Variants in KLRG2 observed in about 807,000 individuals in gnomAD.
KLRG2 encodes killer cell lectin like receptor G2.
KLRG2 carries 39 observed loss-of-function variants against 35.4 expected under a neutral mutation model. The ratio of observed to expected loss-of-function variants is 1.10; its 90% CI spans 0.85 to 1.44. The LOEUF is 1.44. Ranked by LOEUF, KLRG2 falls within the 40% of genes most tolerant of loss-of-function variation. KLRG2 has a pLI of 0.00. For synonymous variants in KLRG2, 283 were observed against 265.8 expected, an observed-to-expected ratio of 1.06 and a Z score of -0.63; for missense variants, 632 against 570.9, an observed-to-expected ratio of 1.11 and a Z score of -1.09.
At chr7:139,454,923 AGAG>A (rs1796442528) in intron 3 of KLRG2, among the ~76,000 whole-genome samples, 1 of 151,642 alleles carries the variant, frequency 6.6e-6, no homozygotes, top group African/African-American at 2.4e-5. Context: ...GAGAGGTACT[AGAG>A]GAGACTTTTT....
chr7:139,446,447 T>A, the KLRG2 span, among the ~76,000 whole-genome samples: 1 of 142,328 alleles, frequency 7.0e-6, no homozygotes, highest in African/African-American at 2.6e-5. Context: ...GGGTAGAGAA[T>A]CAAGTGATTC....
At chr7:139,462,708 T>C (rs933446385) in intron 3 of KLRG2, among the ~76,000 whole-genome samples, 11 of 152,200 alleles carry the variant, frequency 7.2e-5, no homozygotes, top group Admixed American at 1.3e-4. Context: ...GTCTAGGTAA[T>C]TCTTGTCATG....
rs889893606 is a variant in KLRG2 at position 139,483,028 on chromosome 7, G to C, written c.615C>G (p.Pro205=). 3 of 1,364,592 alleles carry C rather than the reference G, an allele frequency of 2.2e-6. No individual in the cohort carries two copies. Among genetic ancestry groups the C allele is most frequent in the Non-Finnish European group, 2.8e-6 (3 of 1,067,070 alleles). The allele number at this position is 1,364,592 out of a possible 1,614,324, so 84.5% of individuals were successfully genotyped here. A position where few individuals can be genotyped will look rare whatever the true frequency, so the allele number is the denominator to read the frequency against. The change falls in exon 1 of 5, where the codon CCC becomes CCG. Residue 205 remains proline, a synonymous_variant. Transcript: ENST00000340940. ...CCGGGGAGCCGGCGCTTCCTTCCGC[G>C]GGGCTGGCCCGGCCCTCTGCGTCGC... The part of the protein sequence containing the change: ...SGCDAEGRAS[P]AEGSAGSPGS...
chr7:139,480,439 C>CTTTTTTT (rs892455272), intron 1 of KLRG2, among the ~76,000 whole-genome samples, 192 bp from the exon 2 acceptor site: 4 of 85,224 alleles, frequency 4.7e-5, no homozygotes, highest in East Asian at 4.8e-4. Context: ...GCCAGATATT[C>CTTTTTTT]TTTTTTTTTT....
At chr7:139,438,550 A>C in the KLRG2 span, among the ~76,000 whole-genome samples, 1 of 152,006 alleles carries the variant, frequency 6.6e-6, no homozygotes, top group African/African-American at 2.4e-5. Context: ...ACCACCATAC[A>C]CCGATCGGTA....
intron 3 of KLRG2, among the ~76,000 whole-genome samples, chr7:139,454,842 A>G (rs1796437213): frequency 7.2e-6 from 1 of 139,402 alleles, no homozygotes; most frequent in African/African-American, 2.9e-5. Context: ...AATAATAATA[A>G]TAATAATAAT....
intron 3 of KLRG2, among the ~76,000 whole-genome samples, chr7:139,462,642 T>G (rs1289357571): frequency 6.6e-6 from 1 of 152,128 alleles, no homozygotes; most frequent in Non-Finnish European, 1.5e-5. Flanking sequence ...AATGCAAACT[T>G]GACAATGGTT....
chr7:139,478,763 T>TTAC (rs1325069386), intron 3 of KLRG2, among the ~76,000 whole-genome samples: 1 of 152,230 alleles, frequency 6.6e-6, no homozygotes, highest in East Asian at 1.9e-4. Flanking sequence ...ACTGACTGGA[T>TTAC]TACTATTCAG....
the KLRG2 span, among the ~76,000 whole-genome samples, chr7:139,441,266 T>C: frequency 6.6e-6 from 1 of 152,262 alleles, no homozygotes; most frequent in East Asian, 1.9e-4. Context: ...ATGTGGCACA[T>C]ATACACCATG....
At chr7:139,456,641 T>C (rs12112565) in intron 3 of KLRG2, among the ~76,000 whole-genome samples, 22,704 of 152,176 alleles carry the variant, frequency 0.15, 1,880 homozygotes, top group Middle Eastern at 0.2. Flanking sequence ...TATAAGCCAC[T>C]GCACCCAGCC....
Position 139,459,264 on chromosome 7 carries a change from G to A in KLRG2, c.1006-5050C>T, listed in dbSNP as rs998472534. Among the ~76,000 whole-genome samples, 10 of 152,174 alleles carry A rather than the reference G, an allele frequency of 6.6e-5. No individual in the cohort carries two copies. In the South Asian group the frequency reaches 8.3e-4, roughly 13 times the overall value. On this transcript the variant is annotated intron_variant, in intron 3 of 4. Coordinates refer to ENST00000340940, the MANE Select transcript of KLRG2 (RefSeq NM_198508.4). ...GGTGAACCTGTCTGATGTGAGGCCCGTTTTACTGGCTTCCTGTTGGCATTT... is the reference window on the plus strand; with the variant it reads ...GGTGAACCTGTCTGATGTGAGGCCCATTTTACTGGCTTCCTGTTGGCATTT...
At chr7:139,480,116 G>T in intron 2 of KLRG2, 30 bp downstream of exon 2, 1 of 1,412,580 alleles carries the variant, frequency 7.1e-7, no homozygotes, top group Non-Finnish European at 1.0e-6. Flanking sequence ...GCGGCAGGGA[G>T]AGGGGATGGG....
chr7:139,456,450 C>T (rs1796478468), intron 3 of KLRG2, among the ~76,000 whole-genome samples: 1 of 152,178 alleles, frequency 6.6e-6, no homozygotes, highest in Non-Finnish European at 1.5e-5. Flanking sequence ...ACTGCAACCA[C>T]CGTCTCCCGT....
the KLRG2 span, among the ~76,000 whole-genome samples, chr7:139,444,660 C>T: frequency 6.6e-6 from 1 of 152,182 alleles, no homozygotes; most frequent in African/African-American, 2.4e-5. Flanking sequence ...AGACTTCCAG[C>T]CTCCAGAACT....
chr7:139,455,021 A>AG (rs916306294), intron 3 of KLRG2, among the ~76,000 whole-genome samples: 1 of 126,876 alleles, frequency 7.9e-6, no homozygotes, highest in African/African-American at 4.2e-5. Context: ...TATATATTTA[A>AG]GATTTTTTTT....
intron 4 of KLRG2, 55 bp from the exon 5 acceptor site, chr7:139,453,762 C>T: frequency 6.2e-7 from 1 of 1,607,002 alleles, no homozygotes; most frequent in Non-Finnish European, 8.5e-7. Flanking sequence ...CGGGGCCTTG[C>T]TTCCCAGCCA....
Position 139,483,149 on chromosome 7 carries a change from G to C in KLRG2, c.494C>G (p.Ala165Gly), listed in dbSNP as rs1796997108. 2.7e-6 allele frequency: 4 copies of C among 1,489,770 alleles called. No individual in the cohort carries two copies. The highest frequency in any genetic ancestry group is 3.5e-6 in the Non-Finnish European group (4 of 1,127,272). The allele number at this position is 1,489,770 out of a possible 1,614,324, so 92.3% of individuals were successfully genotyped here. A position where few individuals can be genotyped will look rare whatever the true frequency, so the allele number is the denominator to read the frequency against. ...CAGCAGGAGCTGGTGCGCCGGGTCC[G>C]CGTGGCGGGAGAAGGCAGGGGACTC... ...VPESPAFSRH[A>G]DPAHQLLLRA... Residue 165 changes from alanine to glycine, a missense_variant, in exon 1 of 5, where the codon GCG becomes GGG. Physicochemically the swap from Ala to Gly is moderately conservative, Grantham distance 60. Transcript: ENST00000340940.
At chr7:139,428,349 T>C in the KLRG2 span, among the ~76,000 whole-genome samples, 1 of 152,052 alleles carries the variant, frequency 6.6e-6, no homozygotes, top group African/African-American at 2.4e-5. Context: ...ACTCAAGTAA[T>C]CCTCCTGCCT....
chr7:139,441,193 T>C, the KLRG2 span, among the ~76,000 whole-genome samples: 2 of 152,262 alleles, frequency 1.3e-5, no homozygotes, highest in African/African-American at 4.8e-5. Context: ...ATTGCAGCAC[T>C]ATTCATAATA....
Sources: gnomAD v4.1 joint callset for allele counts (sites outside exome capture counted in the v4.1 genomes callset) on GRCh38, gnomAD v4.1.1 for gene constraint, MANE v1.5 for transcripts, NCBI Gene and HGNC (gene_info 2026-07-23, HGNC 2026-07-21) for gene names.